EDEM3: variants seen among roughly 807,000 people sequenced by gnomAD.
EDEM3 encodes the protein ER degradation-enhancing alpha-mannosidase-like protein 3.
A neutral mutation model predicts 110.2 loss-of-function variants in EDEM3; 60 were observed. The ratio of observed to expected loss-of-function variants is 0.54; its 90% CI spans 0.44 to 0.67. EDEM3 has a LOEUF of 0.67. Among genes scored for constraint, EDEM3 ranks in the 30% least tolerant of loss-of-function variants. The probability of loss-of-function intolerance (pLI) is 0.00; values close to 1 mark genes in which losing one functional copy is unlikely to be tolerated. For synonymous variants in EDEM3, 352 were observed against 382.9 expected, an observed-to-expected ratio of 0.92 and a Z score of 0.94; for missense variants, 996 against 1,121.0, an observed-to-expected ratio of 0.89 and a Z score of 1.59.
chr1:184,702,756 A>T, intron 19 of EDEM3, 55 bp downstream of exon 19: 1 of 1,347,118 alleles, frequency 7.4e-7, no homozygotes, highest in South Asian at 2.3e-5. Context: ...TTGTTATCAA[A>T]CTAGCAAAAT....
intron 8 of EDEM3, among the ~76,000 whole-genome samples, chr1:184,723,439 A>T (rs1349458866): frequency 6.6e-6 from 1 of 152,030 alleles, no homozygotes; most frequent in Non-Finnish European, 1.5e-5. Flanking sequence ...TATTCTTACT[A>T]AACCACACCT....
rs776057129 is a variant in EDEM3, at chr1:184,691,923, A to G, written c.*2140T>C. 2.0e-5 allele frequency: 3 copies of G among 152,128 alleles called. No individual in the cohort carries two copies. Among genetic ancestry groups the G allele is most frequent in the African/African-American group, 7.2e-5 (3 of 41,456 alleles). 9.4% of individuals were successfully genotyped at this position (152,128 alleles called of 1,614,324 possible). A position where few individuals can be genotyped will look rare whatever the true frequency, so the allele number is the denominator to read the frequency against. ...AACACCTCCCTCTAATGGCCAAAGG[A>G]AGAGAGTGGCAGTAAGCTGGCTTTT... On this transcript the variant is annotated 3_prime_UTR_variant, in exon 20 of 20. Coordinates refer to ENST00000318130, the MANE Select transcript of EDEM3 (RefSeq NM_025191.4).
At chr1:184,737,759 C>T (rs374372141) in intron 2 of EDEM3, 48 bp from the exon 3 acceptor site, 831 of 1,504,502 alleles carry the variant, frequency 5.5e-4, no homozygotes, top group Non-Finnish European at 7.3e-4. Flanking sequence ...AGCGAAAGCA[C>T]ACATCATTTT....
chr1:184,712,014 T>A (rs138514680), intron 14 of EDEM3, 137 bp from the exon 15 acceptor site: 20,432 of 624,548 alleles, frequency 0.033, 408 homozygotes, highest in Middle Eastern at 0.056. Context: ...GTAAGCTCCA[T>A]CTCCTGGGTT....
chr1:184,749,665 A>G, intron 1 of EDEM3, 73 bp from the exon 2 acceptor site: 1 of 1,235,384 alleles, frequency 8.1e-7, no homozygotes, highest in Non-Finnish European at 1.1e-6. Flanking sequence ...ATCTTTCAAA[A>G]AGTTAATTCT....
At chr1:184,750,405 C>T (rs972017505) in intron 1 of EDEM3, among the ~76,000 whole-genome samples, 2 of 152,152 alleles carry the variant, frequency 1.3e-5, no homozygotes, top group African/African-American at 4.8e-5. Context: ...TAAGCACTCT[C>T]AAGTTCAGGG....
chr1:184,724,982 T>C (rs1310551603), intron 7 of EDEM3, among the ~76,000 whole-genome samples: 1 of 152,162 alleles, frequency 6.6e-6, no homozygotes, highest in Non-Finnish European at 1.5e-5. Flanking sequence ...ATTACTCAAC[T>C]CTGTCACTGT....
rs554585602 is a variant in EDEM3, at chr1:184,719,234, C to T, written c.1089G>A (p.Gly363=). ...AFFPGLQVLK[G]DIRPAIETHE... ...GAGTTTCAATAGCAGGTCTAATATC[C>T]CCCTTTAACACCTAGAAATCAACAA... The change falls in exon 11 of 20, where the codon GGG becomes GGA. Residue 363 remains glycine, a synonymous_variant. Transcript: ENST00000318130. The T allele has an allele frequency of 3.2e-6, 5 of 1,567,092 alleles. No homozygotes were observed. The highest frequency in any genetic ancestry group is 2.8e-5 in the African/African-American group (2 of 72,614).
At chr1:184,695,733 T>C (rs1368447060) in intron 19 of EDEM3, among the ~76,000 whole-genome samples, 5 of 151,958 alleles carry the variant, frequency 3.3e-5, no homozygotes, top group African/African-American at 1.2e-4. Context: ...AGAAGTTTCT[T>C]CAAAAAGTTC....
In EDEM3 at chr1:184,753,405, C is replaced by A. The variant is rs541127977; in HGVS notation, c.158+1084G>T. On this transcript the variant is annotated intron_variant, in intron 1 of 19. Coordinates refer to ENST00000318130, the MANE Select transcript of EDEM3 (RefSeq NM_025191.4). ...AAGGAAGAGCTGTTCTTTCAAAATG[C>A]ACTTTTTTTTTTTTTTTTCGAGACA... Among the ~76,000 whole-genome samples, 12 of 139,354 alleles carry A rather than the reference C, an allele frequency of 8.6e-5. No homozygotes were observed. In the South Asian group the frequency reaches 1.5e-3, roughly 18 times the overall value. 91.4% of individuals were successfully genotyped at this position (139,354 alleles called of 152,430 possible). A position where few individuals can be genotyped will look rare whatever the true frequency, so the allele number is the denominator to read the frequency against.
chr1:184,739,359 TA>T (rs1349009527), intron 2 of EDEM3, among the ~76,000 whole-genome samples: 2 of 149,652 alleles, frequency 1.3e-5, no homozygotes, highest in Admixed American at 6.7e-5. Context: ...TCATTAATTA[TA>T]AAAATTAAAT....
At position 184,706,385 on chromosome 1, in the gene EDEM3, T is replaced by C. The variant is rs114122177; in HGVS notation, c.2203+258A>G. Among the ~76,000 whole-genome samples, 433 of 152,282 alleles carry C rather than the reference T, an allele frequency of 2.8e-3. 5 individuals are homozygous for C. In the East Asian group the frequency reaches 0.036, roughly 12 times the overall value. ...TATCCATGGTACTGAATTTTTTTACTACTCAGCCCTACCTCACCCTCACAC... is the reference window on the plus strand; with the variant it reads ...TATCCATGGTACTGAATTTTTTTACCACTCAGCCCTACCTCACCCTCACAC... On this transcript the variant is annotated intron_variant, in intron 18 of 19. Coordinates refer to ENST00000318130, the MANE Select transcript of EDEM3 (RefSeq NM_025191.4).
chr1:184,701,698 C>T (rs1240800287), intron 19 of EDEM3, among the ~76,000 whole-genome samples: 1 of 151,960 alleles, frequency 6.6e-6, no homozygotes, highest in East Asian at 1.9e-4. Flanking sequence ...AAAAAAAAAT[C>T]AGGTATACAG....
chr1:184,719,287 C>A, intron 10 of EDEM3, 42 bp from the exon 11 acceptor site: 1 of 1,501,374 alleles, frequency 6.7e-7, no homozygotes, highest in Non-Finnish European at 8.9e-7. Flanking sequence ...AAAATATGAG[C>A]TGATTTTATC....
chr1:184,706,148 A>G (rs900945786), intron 18 of EDEM3, among the ~76,000 whole-genome samples: 1 of 148,768 alleles, frequency 6.7e-6, no homozygotes, highest in African/African-American at 2.6e-5. Flanking sequence ...ATAAAAAAAA[A>G]TTATACTATT....
intron 19 of EDEM3, among the ~76,000 whole-genome samples, chr1:184,698,822 A>G (rs575141519): frequency 1.3e-5 from 2 of 151,786 alleles, no homozygotes; most frequent in East Asian, 3.9e-4. Context: ...AGAACTTTGA[A>G]GAAGATGCCC....
rs985052021 is a variant in EDEM3, at chr1:184,690,732, C to T, written c.*3331G>A. On this transcript the variant is annotated 3_prime_UTR_variant, in exon 20 of 20. Coordinates refer to ENST00000318130, the MANE Select transcript of EDEM3 (RefSeq NM_025191.4). ...ATAAATTACATCATAAGAAAATATA[C>T]GGCTGTAAATTGGGCTTTTAAAAAT... The T allele has an allele frequency of 5.4e-4, 82 of 152,482 alleles. No individual in the cohort carries two copies. Among genetic ancestry groups the T allele is most frequent in the African/African-American group, 1.7e-3 (72 of 41,506 alleles). The allele number at this position is 152,482 out of a possible 1,614,324, so 9.4% of individuals were successfully genotyped here.
At chr1:184,744,526 T>TA (rs1652321951) in intron 2 of EDEM3, among the ~76,000 whole-genome samples, 1 of 151,754 alleles carries the variant, frequency 6.6e-6, no homozygotes, top group Non-Finnish European at 1.5e-5. Context: ...AAGTTAAACT[T>TA]ACACTTGCCA....
At chr1:184,708,060 T>A in intron 17 of EDEM3, 93 bp downstream of exon 17, 4 of 1,181,508 alleles carry the variant, frequency 3.4e-6, no homozygotes, top group Non-Finnish European at 4.6e-6. Context: ...TTTAAATAAA[T>A]TAAAACTACT....
Sources: allele counts gnomAD v4.1 joint callset (sites outside exome capture counted in the v4.1 genomes callset), GRCh38; gene constraint gnomAD v4.1.1; transcripts MANE v1.5; gene names NCBI Gene and HGNC (gene_info 2026-07-23, HGNC 2026-07-21).